Variants in WDR43 observed in about 807,000 individuals in gnomAD.
The protein encoded by WDR43 is WD repeat-containing protein 43.
In WDR43, 13 loss-of-function variants were observed where a neutral mutation model predicts 91.4. That is an observed-to-expected ratio of 0.14 (90% confidence interval 0.09 to 0.23). The LOEUF is 0.23. Ranked by LOEUF, WDR43 falls within the 10% of genes least tolerant of loss-of-function variation. The probability of loss-of-function intolerance (pLI) is 1.00; values close to 1 mark genes in which losing one functional copy is unlikely to be tolerated. For synonymous variants in WDR43, 331 were observed against 287.9 expected (o/e 1.15, Z -1.51); for missense variants, 780 against 809.4 (o/e 0.96, Z 0.44).
intron 11 of WDR43, 32 bp from the exon 12 acceptor site, chr2:28,935,489 C>G: frequency 6.9e-7 from 1 of 1,457,756 alleles, no homozygotes; most frequent in South Asian, 1.3e-5. Flanking sequence ...TGTCAGTATG[C>G]TCATCTTAAT....
chr2:28,902,561 C>G (rs1670597330), intron 2 of WDR43, among the ~76,000 whole-genome samples: 1 of 152,236 alleles, frequency 6.6e-6, no homozygotes, highest in Non-Finnish European at 1.5e-5. Flanking sequence ...GAGAAGGAGG[C>G]TCCAGCTGCC....
intron 16 of WDR43, among the ~76,000 whole-genome samples, chr2:28,943,843 G>A (rs1236693617): frequency 6.6e-6 from 1 of 152,168 alleles, no homozygotes; most frequent in Non-Finnish European, 1.5e-5. Context: ...GTCAGGTGTT[G>A]GCCATGATTT....
At chr2:28,930,114 G>A (rs1671213084) in intron 11 of WDR43, 6 of 471,204 alleles carry the variant, frequency 1.3e-5, no homozygotes, top group Non-Finnish European at 1.8e-5. Flanking sequence ...CCCCCTGGCC[G>A]TGAGAGGGGG....
intron 6 of WDR43, 91 bp downstream of exon 6, chr2:28,918,086 TAGAG>T (rs1425740750): frequency 1.5e-5 from 17 of 1,134,412 alleles, no homozygotes; most frequent in Non-Finnish European, 2.0e-5. Flanking sequence ...ACTTGAGAAA[TAGAG>T]AGGACCTGAG....
rs1021982846 is a variant in WDR43 at position 28,937,534 on chromosome 2, G to A, written c.1557-397G>A. On this transcript the variant is annotated intron_variant, in intron 13 of 17. Transcript: ENST00000407426. ...TTTTGGTCTATATTTGCCTTTTAAT[G>A]TTAATGGAGGACTTTGCTATTCTTG... 2.0e-5 allele frequency among the ~76,000 whole-genome samples: 3 copies of A among 152,028 alleles called. No individual in the cohort carries two copies. In the South Asian group the frequency reaches 6.2e-4, roughly 32 times the overall value.
chr2:28,896,006 A>G (rs1670473876), intron 1 of WDR43: 1 of 152,104 alleles, frequency 6.6e-6, no homozygotes, highest in African/African-American at 2.4e-5. Context: ...ATGTTTAGAT[A>G]TTTTTCAAAT....
intron 11 of WDR43, among the ~76,000 whole-genome samples, chr2:28,932,218 C>T (rs1402194738): frequency 9.9e-5 from 15 of 152,146 alleles, no homozygotes; most frequent in Admixed American, 9.8e-4. Flanking sequence ...GGCTGGTGTG[C>T]AGTGGTGCGG....
At chr2:28,935,004 A>G (rs1337887874) in intron 11 of WDR43, among the ~76,000 whole-genome samples, 1 of 152,182 alleles carries the variant, frequency 6.6e-6, no homozygotes, top group Admixed American at 6.5e-5. Context: ...GCTGTAACCC[A>G]GTGTGGAGAC....
At chr2:28,914,350 T>G (rs1670865960) in intron 5 of WDR43, 142 bp downstream of exon 5, 6 of 1,117,342 alleles carry the variant, frequency 5.4e-6, no homozygotes, top group African/African-American at 3.2e-5. Flanking sequence ...AAATTGAGCC[T>G]GCCTACAAAA....
At chr2:28,920,243 T>TG (rs35328614) in intron 6 of WDR43, among the ~76,000 whole-genome samples, 3 of 146,994 alleles carry the variant, frequency 2.0e-5, no homozygotes, top group Non-Finnish European at 3.0e-5. Flanking sequence ...TTTTTTTTTT[T>TG]GAGACAGAGT....
chr2:28,907,637 G>T (rs567754353), intron 3 of WDR43, among the ~76,000 whole-genome samples: 23 of 151,598 alleles, frequency 1.5e-4, no homozygotes, highest in African/African-American at 5.6e-4. Context: ...TGGGCTTGGT[G>T]GCTCACGCCT....
At chr2:28,931,940 T>C (rs1236748839) in intron 11 of WDR43, among the ~76,000 whole-genome samples, 1 of 149,244 alleles carries the variant, frequency 6.7e-6, no homozygotes, top group African/African-American at 2.5e-5. Context: ...AGAGCAGTGT[T>C]GCAATTGTAG....
intron 13 of WDR43, among the ~76,000 whole-genome samples, chr2:28,937,678 C>CT (rs1336450588): frequency 9.9e-5 from 15 of 152,234 alleles, no homozygotes; most frequent in African/African-American, 3.4e-4. Flanking sequence ...TGCTCTTGAA[C>CT]TGTTTTAGAG....
chr2:28,928,240 A>G (rs1456102702), intron 10 of WDR43, among the ~76,000 whole-genome samples: 1 of 152,096 alleles, frequency 6.6e-6, no homozygotes, highest in East Asian at 1.9e-4. Flanking sequence ...GGAATCTGGA[A>G]TTTTAACTGT....
At chr2:28,904,299 ATAATT>A (rs1274590311) in intron 2 of WDR43, among the ~76,000 whole-genome samples, 1 of 152,144 alleles carries the variant, frequency 6.6e-6, no homozygotes, top group East Asian at 1.9e-4. Flanking sequence ...TCATGTGTGA[ATAATT>A]TAACTTCTCA....
rs200283676 is a variant in WDR43 at position 28,905,260 on chromosome 2, GC to G, written c.364-1199del. Among the ~76,000 whole-genome samples the G allele has an allele frequency of 1.0e-2, 1,520 of 152,320 alleles. 10 individuals carry two copies. The highest frequency in any genetic ancestry group is 0.015 in the South Asian group (74 of 4,820). On this transcript the variant is annotated intron_variant, in intron 2 of 17. Transcript: ENST00000407426. ...TGACTTCAGGTAGAAAGAATGAAAT[GC>G]TTGCAGTGTGGGTGATTTAGCACCT...
At chr2:28,901,351 G>T (rs536627831) in intron 1 of WDR43, among the ~76,000 whole-genome samples, 2 of 152,218 alleles carry the variant, frequency 1.3e-5, no homozygotes, top group Non-Finnish European at 2.9e-5. Flanking sequence ...TGCCACTTGA[G>T]TGAGACTTTT....
intron 14 of WDR43, among the ~76,000 whole-genome samples, chr2:28,940,037 G>C (rs1014675163): frequency 1.3e-5 from 2 of 151,544 alleles, no homozygotes; most frequent in Non-Finnish European, 2.9e-5. Context: ...CGTGAACCCG[G>C]GGGGGCAGAG....
Position 28,903,898 on chromosome 2 carries a change from G to C in WDR43, c.363+1774G>C, listed in dbSNP as rs937771810. Among the ~76,000 whole-genome samples, 6 of 152,116 alleles carry C rather than the reference G, an allele frequency of 3.9e-5. 1 individual carries two copies. Among genetic ancestry groups the C allele is most frequent in the Admixed American group, 3.9e-4 (6 of 15,276 alleles). On this transcript the variant is annotated intron_variant, in intron 2 of 17. Transcript: ENST00000407426. ...CAGCTCACTGCAACCTCTGCCTCCTGGGTTCAAGTGATTTTCGTGCCTCAG... is the reference window on the plus strand; with the variant it reads ...CAGCTCACTGCAACCTCTGCCTCCTCGGTTCAAGTGATTTTCGTGCCTCAG...
Sources: allele counts gnomAD v4.1 joint callset (sites outside exome capture counted in the v4.1 genomes callset), GRCh38; gene constraint gnomAD v4.1.1; transcripts MANE v1.5; gene names NCBI Gene and HGNC (gene_info 2026-07-23, HGNC 2026-07-21).